The following HMGB1 variants were observed in gnomAD, a reference collection of about 807,000 sequenced individuals.
HMGB1 encodes high mobility group protein B1.
For missense variants in HMGB1, 79 were observed against 253.5 expected (o/e 0.31, Z 4.67); for synonymous variants, 81 against 84.0 (o/e 0.96, Z 0.19).
intron 1 of HMGB1, among the ~76,000 whole-genome samples, chr13:30,564,259 C>T (rs921152207): frequency 1.5e-5 from 2 of 135,900 alleles, no homozygotes; most frequent in East Asian, 4.3e-4. Flanking sequence ...ATGGCAAAAA[C>T]CCGGCTCTAC....
At chr13:30,555,603 A>G (rs1186436524) in intron 1 of HMGB1, among the ~76,000 whole-genome samples, 2 of 152,236 alleles carry the variant, frequency 1.3e-5, no homozygotes, top group Non-Finnish European at 2.9e-5. Flanking sequence ...ACACTAATAT[A>G]CAGAATAAAC....
At chr13:30,538,465 T>TC (rs1491327516) in intron 1 of HMGB1, among the ~76,000 whole-genome samples, 1 of 66,370 alleles carries the variant, frequency 1.5e-5, no homozygotes, top group African/African-American at 8.1e-5. Context: ...TTTCTTTCTT[T>TC]CTTTCTTTCT....
intron 1 of HMGB1, among the ~76,000 whole-genome samples, chr13:30,536,852 C>A (rs773395412): frequency 1.3e-5 from 2 of 152,116 alleles, no homozygotes; most frequent in Admixed American, 6.5e-5. Flanking sequence ...AAACTCCTCT[C>A]GTACCACTTG....
At chr13:30,617,163 G>C (rs1272196008) in exon 1 of HMGB1, 1 of 152,240 alleles carries the variant, frequency 6.6e-6, no homozygotes, top group Non-Finnish European at 1.5e-5. Context: ...CTGTTGACTA[G>C]TCAGAACGGG....
chr13:30,549,103 C>T (rs1388807040), intron 1 of HMGB1, among the ~76,000 whole-genome samples: 2 of 152,036 alleles, frequency 1.3e-5, no homozygotes, highest in Admixed American at 1.3e-4. Flanking sequence ...TCAACACCAG[C>T]CTGGGCAACA....
chr13:30,497,152 G>A (rs182144419), intron 1 of HMGB1, among the ~76,000 whole-genome samples: 2 of 152,192 alleles, frequency 1.3e-5, no homozygotes, highest in African/African-American at 4.8e-5. Flanking sequence ...CTTCAATGCA[G>A]ATGTACTTGT....
chr13:30,571,880 T>C (rs1465725281), intron 1 of HMGB1, among the ~76,000 whole-genome samples: 1 of 152,208 alleles, frequency 6.6e-6, no homozygotes, highest in East Asian at 1.9e-4. Context: ...GTTTCGTATA[T>C]ATATTAAAAT....
chr13:30,550,288 T>C (rs1869364584), intron 1 of HMGB1, among the ~76,000 whole-genome samples: 1 of 152,192 alleles, frequency 6.6e-6, no homozygotes, highest in Admixed American at 6.5e-5. Context: ...AACACTGACA[T>C]TGTGCTAGGG....
intron 1 of HMGB1, among the ~76,000 whole-genome samples, chr13:30,505,879 C>A (rs1033561024): frequency 6.6e-6 from 1 of 152,004 alleles, no homozygotes; most frequent in South Asian, 2.1e-4. Context: ...ATCAAGTAGA[C>A]AGTTTTTTTG....
At chr13:30,556,059 T>C (rs1158369185) in intron 1 of HMGB1, among the ~76,000 whole-genome samples, 4 of 152,192 alleles carry the variant, frequency 2.6e-5, no homozygotes, top group Non-Finnish European at 5.9e-5. Context: ...GCTGCCACAA[T>C]TGTCAATAAG....
At chr13:30,554,751 G>A in intron 1 of HMGB1, 1 of 768,850 alleles carries the variant, frequency 1.3e-6, no homozygotes, top group Non-Finnish European at 2.4e-6. Flanking sequence ...AGCTCAGAAG[G>A]TGCAGCAGAT....
intron 1 of HMGB1, among the ~76,000 whole-genome samples, chr13:30,589,933 G>T (rs903659171): frequency 2.0e-5 from 3 of 152,038 alleles, no homozygotes; most frequent in African/African-American, 7.2e-5. Context: ...AGGACTGGCT[G>T]AAAATGTTTC....
chr13:30,556,386 A>G (rs1441274972), intron 1 of HMGB1, among the ~76,000 whole-genome samples: 2 of 152,202 alleles, frequency 1.3e-5, no homozygotes, highest in East Asian at 3.8e-4. Context: ...CCTGGGCAAC[A>G]AGAGAGAAAC....
chr13:30,558,684 C>G (rs1187203644), intron 1 of HMGB1, among the ~76,000 whole-genome samples: 1 of 152,158 alleles, frequency 6.6e-6, no homozygotes, highest in Non-Finnish European at 1.5e-5. Flanking sequence ...CAGATAGAAT[C>G]AAGCCATTCA....
intron 1 of HMGB1, among the ~76,000 whole-genome samples, chr13:30,604,688 C>G (rs1237548183): frequency 6.6e-6 from 1 of 152,198 alleles, no homozygotes; most frequent in Admixed American, 6.5e-5. Flanking sequence ...GACGGAGTCT[C>G]GCTCTGTCGC....
intron 3 of HMGB1, 89 bp downstream of exon 3, chr13:30,463,118 C>T (rs1886463869): frequency 8.0e-7 from 1 of 1,250,684 alleles, no homozygotes; most frequent in Non-Finnish European, 1.1e-6. Flanking sequence ...TGTACATTTA[C>T]ACTCTAAACT....
intron 1 of HMGB1, among the ~76,000 whole-genome samples, chr13:30,471,205 C>T (rs998589226): frequency 4.0e-5 from 6 of 151,236 alleles, no homozygotes; most frequent in Non-Finnish European, 7.4e-5. Context: ...CTCCTGACCT[C>T]GTGATCCACC....
chr13:30,600,054 G>A (rs563902044), intron 1 of HMGB1, among the ~76,000 whole-genome samples: 12 of 152,218 alleles, frequency 7.9e-5, no homozygotes, highest in African/African-American at 2.9e-4. Flanking sequence ...TAAGTTACTC[G>A]ATACCTTGCC....
In HMGB1 at chr13:30,474,966, T is replaced by G. The variant is rs1198097231; in HGVS notation, c.-14-11272A>C. Among the ~76,000 whole-genome samples the G allele has an allele frequency of 7.1e-4, 93 of 131,368 alleles. 3 individuals carry two copies. Among genetic ancestry groups the G allele is most frequent in the South Asian group, 4.5e-3 (17 of 3,804 alleles). The allele number at this position is 131,368 out of a possible 152,430, so 86.2% of individuals were successfully genotyped here. A position where few individuals can be genotyped will look rare whatever the true frequency, so the allele number is the denominator to read the frequency against. On this transcript the variant is annotated intron_variant, in intron 1 of 4. Transcript: ENST00000405805. ...TTTTTCTTTTCTTTTTTTGTTTTTTTTTTTTTTTTTTTTTTGAGACAGGGT... is the reference window on the plus strand; with the variant it reads ...TTTTTCTTTTCTTTTTTTGTTTTTTGTTTTTTTTTTTTTTTGAGACAGGGT...
Sources: allele counts gnomAD v4.1 joint callset (sites outside exome capture counted in the v4.1 genomes callset), GRCh38; gene constraint gnomAD v4.1.1; transcripts MANE v1.5; gene names NCBI Gene and HGNC (gene_info 2026-07-23, HGNC 2026-07-21).